Variants in NAA38 observed in about 807,000 individuals in gnomAD.
NAA38 encodes LSM domain containing 1.
A neutral mutation model predicts 12.6 loss-of-function variants in NAA38; 15 were observed. The observed-to-expected ratio is 1.19, with a 90% CI of 0.79 to 1.83. The LOEUF (loss-of-function observed/expected upper bound fraction) is 1.83, where lower values mean the gene tolerates loss of function less well. NAA38 is among the 40% of genes most tolerant of loss of function. NAA38 has a pLI of 0.00. For missense variants in NAA38, 183 were observed against 171.7 expected, an observed-to-expected ratio of 1.07 and a Z score of -0.37; for synonymous variants, 88 against 69.9, an observed-to-expected ratio of 1.26 and a Z score of -1.29.
chr17:7,884,900 G>T (rs1449150008), intron 1 of NAA38: 1 of 1,405,348 alleles, frequency 7.1e-7, no homozygotes. Flanking sequence ...CGACGAGGAG[G>T]AGGAGGAGGA....
At chr17:7,868,262 G>A (rs1211531443) in intron 2 of NAA38, among the ~76,000 whole-genome samples, 2 of 152,184 alleles carry the variant, frequency 1.3e-5, no homozygotes, top group Non-Finnish European at 2.9e-5. Flanking sequence ...GCCAAAGAGA[G>A]AGCACAGAAG....
intron 2 of NAA38, among the ~76,000 whole-genome samples, chr17:7,867,464 G>A (rs992253745): frequency 2.6e-5 from 4 of 151,916 alleles, no homozygotes; most frequent in Admixed American, 6.6e-5. Flanking sequence ...TCAGCCTCCC[G>A]AGTAGCTGGG....
At chr17:7,872,230 GC>G (rs1184747275) in intron 2 of NAA38, among the ~76,000 whole-genome samples, 3 of 152,068 alleles carry the variant, frequency 2.0e-5, no homozygotes, top group Non-Finnish European at 4.4e-5. Context: ...TTCCTTTAAA[GC>G]ATCCACGTTG....
upstream of NAA38, chr17:7,857,745 T>G: frequency 7.8e-7 from 1 of 1,275,924 alleles, no homozygotes; most frequent in South Asian, 2.5e-5. Flanking sequence ...GAGAATACAT[T>G]CTTTCATACT....
Position 7,857,048 on chromosome 17 carries a change from G to A in NAA38, c.232C>T (p.Leu78=). 5.0e-6 allele frequency: 8 copies of A among 1,612,368 alleles called. No homozygotes were observed. In the East Asian group the frequency reaches 1.3e-4, roughly 27 times the overall value. ...LCTDRDCNVI[L]GSAQEFLKPS... is the part of the protein sequence containing the mutation. ...TTGAGGAACTCCTGCGCCGAGCCCA[G>A]GATGACATTGCAGTCACGGTCAGTG... The change falls in exon 2 of 3, where the codon CTG becomes TTG. Residue 78 remains leucine, a synonymous_variant. Transcript: ENST00000575771.
chr17:7,870,855 C>G (rs1202621544), intron 2 of NAA38, among the ~76,000 whole-genome samples: 1 of 150,930 alleles, frequency 6.6e-6, no homozygotes, highest in Non-Finnish European at 1.5e-5. Flanking sequence ...TCACTACACT[C>G]CAGCTTGGGG....
chr17:7,870,888 CAAA>C (rs34959751), intron 2 of NAA38, among the ~76,000 whole-genome samples: 27 of 122,916 alleles, frequency 2.2e-4, no homozygotes, highest in East Asian at 8.4e-4. Flanking sequence ...GACTCCACCT[CAAA>C]AAAAAAAAAA....
At chr17:7,857,848 T>C, upstream of NAA38, 1 of 1,370,008 alleles carries the variant, frequency 7.3e-7, no homozygotes, top group South Asian at 1.7e-5. Flanking sequence ...GCGTATTCGT[T>C]CTCTGCCCCA....
In NAA38 at chr17:7,857,424, T is replaced by A. The variant is rs1202470779; in HGVS notation, c.40A>T (p.Asn14Tyr). ...AGPTMLLREE[N>Y]GCCSRRQSSS... The stretch of plus-strand genomic sequence containing the variant: ...CTCTGACGCCGACTGCAACAGCCAT[T>A]CTCTTCTCGTAGCAGCATGGTCGGT... Residue 14 changes from asparagine to tyrosine, a missense_variant, in exon 1 of 3, where the codon AAT becomes TAT. Physicochemically the swap from Asn to Tyr is moderately radical, Grantham distance 143. Transcript: ENST00000575771. 6.3e-7 allele frequency: 1 copy of A among 1,591,022 alleles called. No homozygotes were observed. Among genetic ancestry groups the A allele is most frequent in the Non-Finnish European group, 8.5e-7 (1 of 1,170,956 alleles).
intron 2 of NAA38, among the ~76,000 whole-genome samples, chr17:7,867,939 G>A (rs904642305): frequency 1.3e-5 from 2 of 152,176 alleles, no homozygotes; most frequent in Non-Finnish European, 2.9e-5. Flanking sequence ...TGAGTCCACT[G>A]GCAGAAAAAG....
At chr17:7,882,149 G>A (rs1967284468) in intron 2 of NAA38, among the ~76,000 whole-genome samples, 1 of 152,168 alleles carries the variant, frequency 6.6e-6, no homozygotes, top group Non-Finnish European at 1.5e-5. Context: ...ATGAGTGTTT[G>A]TATAGGGATG....
chr17:7,858,699 G>A (rs751049726), upstream of NAA38: 19 of 1,611,300 alleles, frequency 1.2e-5, no homozygotes, highest in East Asian at 2.2e-5. Context: ...GCCCTGTTCG[G>A]ACTGGGCCAA....
chr17:7,867,284 T>C (rs181079353), intron 2 of NAA38, among the ~76,000 whole-genome samples: 1 of 151,842 alleles, frequency 6.6e-6, no homozygotes, highest in Admixed American at 6.6e-5. Flanking sequence ...AATTGAGACA[T>C]AATTCACATA....
intron 3 of NAA38, chr17:7,865,892 C>T (rs2151388870): frequency 6.6e-6 from 1 of 152,180 alleles, no homozygotes; most frequent in Non-Finnish European, 1.5e-5. Flanking sequence ...AATCTTGGCC[C>T]TATCATTTAT....
At chr17:7,884,458 A>ATATATATATATATATATATG (rs1205021587) in intron 1 of NAA38, among the ~76,000 whole-genome samples, 1 of 15,322 alleles carries the variant, frequency 6.5e-5, no homozygotes, top group African/African-American at 8.8e-5. Flanking sequence ...ATATATATAC[A>ATATATATATATATATATATG]TATATATATA....
In NAA38 at chr17:7,882,735, G is replaced by A. The variant is rs549435826; in HGVS notation, c.-66+500C>T. 1.7e-4 allele frequency among the ~76,000 whole-genome samples: 26 copies of A among 152,238 alleles called. No homozygotes were observed. In the South Asian group the frequency reaches 5.0e-3, roughly 29 times the overall value. ...ACACCCAATAAAGTGCATTAGTGTG[G>A]GGAGTGGAACATTAATAAAGAACAT... On this transcript the variant is annotated intron_variant, in intron 2 of 4. Coordinates refer to the NAA38 transcript ENST00000576861.
Position 7,884,927 on chromosome 17 carries a change from G to A in NAA38, c.-167+238C>T. ...GGAGGAGGAGGTGGAGGCGGCCGAC[G>A]AGGACGATGAGGAGGACGACGACGA... On this transcript the variant is annotated intron_variant, in intron 1 of 4. Coordinates refer to the NAA38 transcript ENST00000576861. 1.4e-6 allele frequency: 2 copies of A among 1,410,622 alleles called. No individual in the cohort carries two copies. The highest frequency in any genetic ancestry group is 1.9e-6 in the Non-Finnish European group (2 of 1,071,714). 87.4% of individuals were successfully genotyped at this position (1,410,622 alleles called of 1,614,324 possible).
intron 1 of NAA38, chr17:7,885,109 C>CCA: frequency 1.0e-6 from 1 of 982,722 alleles, no homozygotes; most frequent in Non-Finnish European, 1.2e-6. Flanking sequence ...GACTCCCCCC[C>CCA]CAAGCCCGAG....
intron 2 of NAA38, among the ~76,000 whole-genome samples, chr17:7,871,637 T>C (rs1186966430): frequency 6.6e-6 from 1 of 152,146 alleles, no homozygotes. Context: ...AGGAAGTAGA[T>C]CTCTGGTGGG....
Sources: gnomAD v4.1 joint callset for allele counts (sites outside exome capture counted in the v4.1 genomes callset) on GRCh38, gnomAD v4.1.1 for gene constraint, MANE v1.5 for transcripts, NCBI Gene and HGNC (gene_info 2026-07-23, HGNC 2026-07-21) for gene names.